The following SPATA31F1 variants were observed in gnomAD, a reference collection of about 807,000 sequenced individuals.
The protein encoded by SPATA31F1 is SPATA31 subfamily F member 1.
At chr9:34,727,945 G>T in the SPATA31F1 span, 1 of 1,366,922 alleles carries the variant, frequency 7.3e-7, no homozygotes, top group Non-Finnish European at 1.0e-6. Flanking sequence ...TTTCTCCTTA[G>T]TCCTGCCCCA....
the SPATA31F1 span, chr9:34,723,129 T>C: frequency 7.3e-7 from 1 of 1,373,658 alleles, no homozygotes; most frequent in Non-Finnish European, 9.7e-7. Flanking sequence ...ATACTGGTCC[T>C]CTGGAGGGCT....
At chr9:34,724,952 C>T in the SPATA31F1 span, 64 of 1,551,612 alleles carry the variant, frequency 4.1e-5, no homozygotes, top group African/African-American at 1.4e-4. Flanking sequence ...AGACAAGACT[C>T]GGAGCAGCTT....
chr9:34,724,037 C>A, the SPATA31F1 span: 1 of 1,533,064 alleles, frequency 6.5e-7, no homozygotes, highest in East Asian at 2.5e-5. Context: ...TGAGGAGCGC[C>A]CAAACCCCGC....
the SPATA31F1 span, chr9:34,728,689 G>A: frequency 3.4e-4 from 526 of 1,547,712 alleles, 1 homozygote; most frequent in Middle Eastern, 5.0e-4. Context: ...GTGAAGCTGG[G>A]ACACCATTTT....
At chr9:34,725,847 A>T in the SPATA31F1 span, 11 of 1,551,670 alleles carry the variant, frequency 7.1e-6, no homozygotes, top group Non-Finnish European at 9.6e-6. Flanking sequence ...GGATCCTTCA[A>T]GGGGGGCTTG....
At chr9:34,728,873 C>A in the SPATA31F1 span, among the ~76,000 whole-genome samples, 1 of 152,028 alleles carries the variant, frequency 6.6e-6, no homozygotes, top group African/African-American at 2.4e-5. Flanking sequence ...AATTCTATAC[C>A]TCCCATCTGA....
chr9:34,728,411 T>C, the SPATA31F1 span, among the ~76,000 whole-genome samples: 1 of 152,232 alleles, frequency 6.6e-6, no homozygotes, highest in East Asian at 1.9e-4. Context: ...TTCTTAATTC[T>C]TCATTTCCAG....
At chr9:34,723,852 C>T in the SPATA31F1 span, 1 of 1,551,698 alleles carries the variant, frequency 6.4e-7, no homozygotes, top group Non-Finnish European at 8.7e-7. Context: ...TCTTTCTCCC[C>T]AGGGACTCGT....
At chr9:34,723,752 G>A in the SPATA31F1 span, 2 of 1,551,696 alleles carry the variant, frequency 1.3e-6, no homozygotes, top group Non-Finnish European at 1.7e-6. Flanking sequence ...TGAAGCCTGG[G>A]GCAACACAGT....
chr9:34,727,277 A>G, the SPATA31F1 span, among the ~76,000 whole-genome samples: 16 of 152,188 alleles, frequency 1.1e-4, no homozygotes, highest in Non-Finnish European at 2.1e-4. Context: ...ACCTTGTTGA[A>G]AAGCTGAACT....
At chr9:34,729,180 G>A in the SPATA31F1 span, 1 of 1,332,072 alleles carries the variant, frequency 7.5e-7, no homozygotes. Flanking sequence ...GTAACTGAAA[G>A]TATGCTATAA....
chr9:34,723,080 A>T, the SPATA31F1 span: 1 of 855,170 alleles, frequency 1.2e-6, no homozygotes, highest in Non-Finnish European at 1.8e-6. Context: ...GTGTATTTCT[A>T]GTGGCATCTG....
At chr9:34,728,099 C>T in the SPATA31F1 span, 6 of 1,551,182 alleles carry the variant, frequency 3.9e-6, no homozygotes, top group African/African-American at 1.4e-5. Flanking sequence ...AACGGGGAGA[C>T]AGTGTTATAT....
the SPATA31F1 span, chr9:34,723,756 A>C: frequency 8.4e-6 from 13 of 1,551,708 alleles, no homozygotes; most frequent in Non-Finnish European, 1.1e-5. Flanking sequence ...GCCTGGGGCA[A>C]CACAGTCTGG....
the SPATA31F1 span, chr9:34,728,068 G>A: frequency 0.023 from 36,264 of 1,551,688 alleles, 876 homozygotes; most frequent in African/African-American, 0.12. Flanking sequence ...GCTTCTTCCC[G>A]GGAACGTCTC....
At chr9:34,723,308 G>T in the SPATA31F1 span, 5 of 1,551,610 alleles carry the variant, frequency 3.2e-6, no homozygotes, top group South Asian at 4.8e-5. Flanking sequence ...GTAGCCCAGG[G>T]CTGAGGCAGA....
the SPATA31F1 span, chr9:34,726,973 A>G: frequency 6.5e-7 from 1 of 1,547,654 alleles, no homozygotes; most frequent in Non-Finnish European, 8.7e-7. Context: ...TTCTCTCCAG[A>G]GGAAGCCAGC....
the SPATA31F1 span, among the ~76,000 whole-genome samples, chr9:34,728,295 G>A: frequency 6.6e-6 from 1 of 152,200 alleles, no homozygotes; most frequent in African/African-American, 2.4e-5. Context: ...GATTGAGGCA[G>A]GATTGTCAGT....
chr9:34,727,938 C>A, the SPATA31F1 span: 1 of 1,274,456 alleles, frequency 7.8e-7, no homozygotes, highest in African/African-American at 1.5e-5. Context: ...CATTATCTTT[C>A]TCCTTAGTCC....
Sources: allele counts gnomAD v4.1 joint callset (sites outside exome capture counted in the v4.1 genomes callset), GRCh38; gene constraint gnomAD v4.1.1; transcripts MANE v1.5; gene names NCBI Gene and HGNC (gene_info 2026-07-23, HGNC 2026-07-21).